The following FAT1 variants were observed in gnomAD, a reference collection of about 807,000 sequenced individuals.
The protein encoded by FAT1 is FAT atypical cadherin 1.
In FAT1, 171 loss-of-function variants were observed where a neutral mutation model predicts 329.8. That is an observed-to-expected ratio of 0.52 (90% CI 0.46 to 0.59). The LOEUF is 0.59. Among genes scored for constraint, FAT1 ranks in the 20% least tolerant of loss-of-function variants. The pLI, the probability that FAT1 is intolerant of heterozygous loss-of-function variation, is 0.00. For missense variants in FAT1, 5,672 were observed against 5,774.4 expected (o/e 0.98, Z 0.57); for synonymous variants, 2,233 against 2,228.6 (o/e 1.00, Z -0.06).
Position 186,606,159 on chromosome 4 carries a change from C to G in FAT1, c.10261G>C (p.Val3421Leu), listed in dbSNP as rs767263292. 1.2e-6 allele frequency: 2 copies of G among 1,612,040 alleles called. No individual in the cohort carries two copies. The highest frequency in any genetic ancestry group is 1.7e-6 in the Non-Finnish European group (2 of 1,179,432). Residue 3421 changes from valine to leucine, a missense_variant, in exon 17 of 27, where the codon GTC becomes CTC. Val to Leu is a conservative substitution (Grantham distance 32). Transcript: ENST00000441802. Reference sequence around the variant, plus strand: ...TCGATGTTCACGGTCGTCGTGTTGACTCTGGGTGGACTGCCATTATCAGAA... The same window carrying G: ...TCGATGTTCACGGTCGTCGTGTTGAGTCTGGGTGGACTGCCATTATCAGAA... ...QASDNGSPPR[V>L]NTTTVNIDVS...
intron 2 of FAT1, among the ~76,000 whole-genome samples, chr4:186,669,685 G>C (rs1273326314): frequency 2.0e-5 from 3 of 152,182 alleles, no homozygotes; most frequent in Non-Finnish European, 4.4e-5. Context: ...GAACGAGACT[G>C]AAGGGGGAAA....
Position 186,597,786 on chromosome 4 carries a change from C to A in FAT1, c.12264G>T (p.Gln4088His), listed in dbSNP as rs940602352. The change falls in exon 24 of 27, where the codon CAG becomes CAT. Residue 4088 changes from glutamine (Q) to histidine (H), a missense_variant. Transcript: ENST00000441802. ...CRGLYTGQRC[Q>H]LSPYCKDEPC... Reference sequence around the variant, plus strand: ...GTTCATCTTTGCAGTATGGACTAAGCTGACACCTGAAGAGTAAGGAGAAAC... The same window carrying A: ...GTTCATCTTTGCAGTATGGACTAAGATGACACCTGAAGAGTAAGGAGAAAC... 4 of 1,613,016 alleles carry A rather than the reference C, an allele frequency of 2.5e-6. No homozygotes were observed. The highest frequency in any genetic ancestry group is 3.4e-6 in the Non-Finnish European group (4 of 1,179,040).
intron 2 of FAT1, among the ~76,000 whole-genome samples, chr4:186,671,498 G>C (rs919426681): frequency 6.6e-6 from 1 of 152,072 alleles, no homozygotes; most frequent in African/African-American, 2.4e-5. Context: ...AGGAGTTAAA[G>C]ACCAGCCTGC....
rs764338245 is a variant in FAT1 at position 186,706,825 on chromosome 4, C to T, written c.3003G>A (p.Val1001=). ...FEKKQVYNLT[V]RAKDKGKPVS... is the part of the protein sequence containing the mutation. ...CTGGCTTTCCCTTGTCTTTGGCCCT[C>T]ACAGTGAGATTATACACTTGCTTCT... The change falls in exon 2 of 27, where the codon GTG becomes GTA. Residue 1001 remains valine (V), a synonymous_variant. Coordinates refer to ENST00000441802, the MANE Select transcript of FAT1 (RefSeq NM_005245.4). 17 of 1,613,886 alleles carry T rather than the reference C, an allele frequency of 1.1e-5. No homozygotes were observed. Among genetic ancestry groups the T allele is most frequent in the Non-Finnish European group, 1.4e-5 (16 of 1,179,910 alleles).
rs561086226 is a variant in FAT1, at chr4:186,627,747, C to G, written c.4810+407G>C. 3.9e-5 allele frequency among the ~76,000 whole-genome samples: 6 copies of G among 152,288 alleles called. No individual in the cohort carries two copies. In the East Asian group the frequency reaches 1.2e-3, roughly 29 times the overall value. ...CTGTTATGGAGCTTCCTGCTCTGCT[C>G]AAGAGAAAATACTCTCTGACAAAAA... On this transcript the variant is annotated intron_variant, in intron 9 of 26. Transcript: ENST00000441802.
chr4:186,654,783 G>A (rs2126601938), intron 3 of FAT1, among the ~76,000 whole-genome samples: 1 of 152,128 alleles, frequency 6.6e-6, no homozygotes, highest in East Asian at 1.9e-4. Context: ...TGGTGGTGCA[G>A]GTCTGTGATC....
At position 186,620,873 on chromosome 4, in the gene FAT1, C is replaced by A. The variant is rs748892251; in HGVS notation, c.5713G>T (p.Asp1905Tyr). ...TGTGAGAATGCACTTGAATCAGCATCTGTAGCATTTACTGTGATGACTTTT... is the reference window on the plus strand; with the variant it reads ...TGTGAGAATGCACTTGAATCAGCATATGTAGCATTTACTGTGATGACTTTT... The part of the protein sequence containing the change: ...GVKVITVNAT[D>Y]ADSSAFSQLI... The change falls in exon 10 of 27, where the codon GAT becomes TAT. Residue 1905 changes from aspartate to tyrosine, a missense_variant. Asp to Tyr is a radical substitution (Grantham distance 160). Coordinates refer to ENST00000441802, the MANE Select transcript of FAT1 (RefSeq NM_005245.4). 71 of 1,613,926 alleles carry A rather than the reference C, an allele frequency of 4.4e-5. No homozygotes were observed. The highest frequency in any genetic ancestry group is 5.9e-5 in the Non-Finnish European group (70 of 1,179,914).
intron 2 of FAT1, among the ~76,000 whole-genome samples, chr4:186,691,919 G>C (rs1743781192): frequency 6.6e-6 from 1 of 150,906 alleles, no homozygotes; most frequent in Admixed American, 6.6e-5. Context: ...ATGCTTTACT[G>C]TGGCTACTAT....
Position 186,639,900 on chromosome 4 carries a change from G to A in FAT1, c.3581-117C>T. 5 of 793,810 alleles carry A rather than the reference G, an allele frequency of 6.3e-6. No individual in the cohort carries two copies. The South Asian group carries it at 6.8e-5, about 11-fold the overall frequency. 49.2% of individuals were successfully genotyped at this position (793,810 alleles called of 1,614,324 possible). On this transcript the variant is annotated intron_variant, in intron 3 of 26. Coordinates refer to ENST00000441802, the MANE Select transcript of FAT1 (RefSeq NM_005245.4). ...GCTCATGCCTTAATCCCAGCACTTT[G>A]GGAGGCCCAGGGGGGTGGATTACTT...
intron 2 of FAT1, among the ~76,000 whole-genome samples, chr4:186,686,496 T>C (rs937206805): frequency 1.3e-5 from 2 of 152,230 alleles, no homozygotes; most frequent in African/African-American, 2.4e-5. Flanking sequence ...CTGGGCCTGC[T>C]CTGTTGAAAT....
chr4:186,710,236 A>G (rs1011899935), intron 1 of FAT1, among the ~76,000 whole-genome samples: 4 of 152,220 alleles, frequency 2.6e-5, no homozygotes, highest in Non-Finnish European at 5.9e-5. Flanking sequence ...ACTTACATAC[A>G]ATGAATTAAA....
intron 9 of FAT1, among the ~76,000 whole-genome samples, chr4:186,626,474 C>G (rs13108055): frequency 1.2e-4 from 9 of 76,672 alleles, no homozygotes; most frequent in African/African-American, 3.2e-4. Context: ...CATGGCACCT[C>G]GCACATAAAC....
At chr4:186,718,254 C>T (rs1745307201) in intron 1 of FAT1, among the ~76,000 whole-genome samples, 1 of 152,120 alleles carries the variant, frequency 6.6e-6, no homozygotes, top group Non-Finnish European at 1.5e-5. Flanking sequence ...AGAGATGCCA[C>T]CCACCCTAGC....
intron 2 of FAT1, among the ~76,000 whole-genome samples, chr4:186,671,816 G>GTC (rs1742746483): frequency 1.3e-5 from 2 of 151,658 alleles, no homozygotes; most frequent in Admixed American, 1.3e-4. Context: ...GTGTGTGTGT[G>GTC]GTGTGTGTGT....
In FAT1 at chr4:186,588,587, G is replaced by A. The variant is rs2126346285; in HGVS notation, c.*5C>T. The A allele has an allele frequency of 1.2e-6, 2 of 1,604,948 alleles. No homozygotes were observed. Among genetic ancestry groups the A allele is most frequent in the Non-Finnish European group, 1.7e-6 (2 of 1,175,422 alleles). ...AAAGTCAGGCACTTTGGGGGGAGTT[G>A]AGAGTCAGACTTCCGTGTGCTGCTG... is the stretch of plus-strand genomic sequence containing the variant. On this transcript the variant is annotated 3_prime_UTR_variant, in exon 27 of 27. Coordinates refer to ENST00000441802, the MANE Select transcript of FAT1 (RefSeq NM_005245.4).
At chr4:186,716,758 AGATTAT>A in intron 1 of FAT1, among the ~76,000 whole-genome samples, 1 of 152,202 alleles carries the variant, frequency 6.6e-6, no homozygotes, top group Middle Eastern at 3.4e-3. Context: ...AGTTGTCAAG[AGATTAT>A]GAATTGTAAA....
chr4:186,638,751 A>C (rs1334650646), intron 4 of FAT1, among the ~76,000 whole-genome samples: 1 of 152,124 alleles, frequency 6.6e-6, no homozygotes, highest in East Asian at 1.9e-4. Flanking sequence ...GCAATATTAA[A>C]AGAAATTTTC....
rs768723018 is a variant in FAT1, at chr4:186,707,990, T to C, written c.1838A>G (p.Asp613Gly). ...QYQIEAGNEL[D>G]FFSLNPNSGV... ...CGAGTTGGGGTTTAAACTAAAGAAA[T>C]CCAGTTCATTTCCAGCTTCAATCTG... The change falls in exon 2 of 27, where the codon GAT (aspartate) becomes GGT (glycine). Residue 613 changes from aspartate to glycine, a missense_variant. Asp to Gly is a moderately conservative substitution (Grantham distance 94, BLOSUM62 -1). Transcript: ENST00000441802. 1.2e-6 allele frequency: 2 copies of C among 1,613,878 alleles called. No homozygotes were observed. The highest frequency in any genetic ancestry group is 2.2e-5 in the East Asian group (1 of 44,868).
In FAT1 at chr4:186,628,175, C is replaced by T. The variant is rs2126541682; in HGVS notation, c.4789G>A (p.Val1597Met). The T allele has an allele frequency of 6.2e-7, 1 of 1,613,892 alleles. No homozygotes were observed. Among genetic ancestry groups the T allele is most frequent in the Non-Finnish European group, 8.5e-7 (1 of 1,179,844 alleles). ...LDKDKGKNAE[V>M]LYSIESGNIG... ...GTACCTGACTCGATCGAGTACAGCA[C>T]TTCAGCATTTTTCCCTTTGTCCTTG... The change falls in exon 9 of 27, where the codon GTG becomes ATG. Residue 1597 changes from valine to methionine, a missense_variant. Physicochemically the swap from Val to Met is conservative, Grantham distance 21. This residue lies in a region of FAT1 where 3,966 missense variants were observed against 3,915.2 expected (regional missense o/e 1.01). Coordinates refer to ENST00000441802, the MANE Select transcript of FAT1 (RefSeq NM_005245.4).
Sources: gnomAD v4.1 joint callset for allele counts (sites outside exome capture counted in the v4.1 genomes callset) on GRCh38, gnomAD v4.1.1 for gene constraint, gnomAD v4.1.1 regional missense constraint, MANE v1.5 for transcripts, NCBI Gene and HGNC (gene_info 2026-07-23, HGNC 2026-07-21) for gene names.